TAS2R1: variants seen among roughly 807,000 people sequenced by gnomAD.
TAS2R1 encodes taste 2 receptor member 1.
For synonymous variants in TAS2R1, 141 were observed against 134.2 expected (o/e 1.05, Z -0.35); for missense variants, 370 against 353.4 (o/e 1.05, Z -0.38).
At chr5:9,802,606 A>G in the TAS2R1 span, among the ~76,000 whole-genome samples, 1 of 152,198 alleles carries the variant, frequency 6.6e-6, no homozygotes, top group Non-Finnish European at 1.5e-5. Context: ...AAATCTCTGA[A>G]TTAAAAGAAT....
chr5:9,822,713 C>T, the TAS2R1 span, among the ~76,000 whole-genome samples: 53 of 152,100 alleles, frequency 3.5e-4, 2 homozygotes, highest in South Asian at 0.01. Flanking sequence ...CTTTTCCTTG[C>T]TTTTCACATA....
At chr5:9,723,247 T>G in the TAS2R1 span, among the ~76,000 whole-genome samples, 1 of 152,182 alleles carries the variant, frequency 6.6e-6, no homozygotes, top group South Asian at 2.1e-4. Context: ...GCCTGTTCTC[T>G]GTCAAAATGC....
upstream of TAS2R1, among the ~76,000 whole-genome samples, chr5:9,712,588 G>A (rs1486285997): frequency 6.6e-6 from 1 of 152,154 alleles, no homozygotes; most frequent in Non-Finnish European, 1.5e-5. Flanking sequence ...AGCTTGCCTG[G>A]CCTGCCATGT....
Position 9,650,422 on chromosome 5 carries a change from G to A in TAS2R1, c.-81+8999C>T, listed in dbSNP as rs117067812. Among the ~76,000 whole-genome samples, 963 of 152,038 alleles carry A rather than the reference G, an allele frequency of 6.3e-3. 7 individuals are homozygous for A. Among genetic ancestry groups the A allele is most frequent in the East Asian group, 0.033 (171 of 5,178 alleles). ...CTATACACTCCCGGCTATGTAGGAC[G>A]GACAGACCCATTTCTACAGTGTTAC... is the stretch of plus-strand genomic sequence containing the variant. On this transcript the variant is annotated intron_variant, in intron 2 of 2. Transcript: ENST00000506620.
chr5:9,743,346 TTTA>T, the TAS2R1 span, among the ~76,000 whole-genome samples: 2 of 152,096 alleles, frequency 1.3e-5, no homozygotes, highest in Non-Finnish European at 2.9e-5. Flanking sequence ...TACTTTAACT[TTTA>T]GGGTACATGT....
chr5:9,650,555 G>C (rs1200471758), intron 2 of TAS2R1, among the ~76,000 whole-genome samples: 1 of 152,130 alleles, frequency 6.6e-6, no homozygotes, highest in East Asian at 1.9e-4. Context: ...GGCCAGGGTG[G>C]ACCTGGTGGT....
At chr5:9,751,008 T>A in the TAS2R1 span, among the ~76,000 whole-genome samples, 1 of 151,774 alleles carries the variant, frequency 6.6e-6, no homozygotes. Context: ...TAATACTAGC[T>A]ACTGGCCAGC....
At chr5:9,677,553 G>A (rs1013968220) in intron 1 of TAS2R1, among the ~76,000 whole-genome samples, 1 of 151,848 alleles carries the variant, frequency 6.6e-6, no homozygotes, top group African/African-American at 2.4e-5. Context: ...ACAAACCAAA[G>A]GCAAACAAGC....
chr5:9,807,512 A>G, the TAS2R1 span, among the ~76,000 whole-genome samples: 1 of 152,208 alleles, frequency 6.6e-6, no homozygotes, highest in African/African-American at 2.4e-5. Context: ...AATGCCCATC[A>G]ATCAACTAGT....
At chr5:9,730,718 T>A in the TAS2R1 span, among the ~76,000 whole-genome samples, 9 of 152,008 alleles carry the variant, frequency 5.9e-5, no homozygotes, top group Non-Finnish European at 8.8e-5. Flanking sequence ...TTTGGCTGTG[T>A]CCCCACCCAA....
chr5:9,644,899 A>G (rs1740158344), intron 2 of TAS2R1, among the ~76,000 whole-genome samples: 1 of 152,080 alleles, frequency 6.6e-6, no homozygotes, highest in Non-Finnish European at 1.5e-5. Context: ...TAATCTCTTT[A>G]TGTATGGCTG....
At chr5:9,658,676 C>T (rs1322589041) in intron 2 of TAS2R1, 1 of 152,128 alleles carries the variant, frequency 6.6e-6, no homozygotes, top group Non-Finnish European at 1.5e-5. Context: ...TTAATTTACC[C>T]CAAATGACTT....
chr5:9,739,699 A>G, the TAS2R1 span, among the ~76,000 whole-genome samples: 1 of 152,182 alleles, frequency 6.6e-6, no homozygotes, highest in African/African-American at 2.4e-5. Flanking sequence ...AGGTCATTCA[A>G]CGCTTACGCT....
At chr5:9,660,078 A>G (rs1296068670) in intron 1 of TAS2R1, 5 of 112,144 alleles carry the variant, frequency 4.5e-5, no homozygotes, top group African/African-American at 1.2e-4. Context: ...TTTTTTTTTG[A>G]GACAGCGTCT....
chr5:9,871,825 G>A, the TAS2R1 span, among the ~76,000 whole-genome samples: 1 of 152,104 alleles, frequency 6.6e-6, no homozygotes, highest in Non-Finnish European at 1.5e-5. Context: ...GAAATGCCCT[G>A]TCCAAATCAG....
chr5:9,812,451 T>C, the TAS2R1 span, among the ~76,000 whole-genome samples: 1 of 152,008 alleles, frequency 6.6e-6, no homozygotes, highest in African/African-American at 2.4e-5. Context: ...GATTGGGCTC[T>C]AAGTGTGAAG....
the TAS2R1 span, among the ~76,000 whole-genome samples, chr5:9,821,272 C>A: frequency 6.6e-6 from 1 of 152,260 alleles, no homozygotes; most frequent in South Asian, 2.1e-4. Context: ...CTTTCACTTT[C>A]TAAGTGAGCA....
chr5:9,681,743 T>C (rs796307164), intron 1 of TAS2R1, among the ~76,000 whole-genome samples: 8 of 152,188 alleles, frequency 5.3e-5, no homozygotes, highest in African/African-American at 1.9e-4. Context: ...CAACTAGAGA[T>C]TACAATTTAG....
chr5:9,641,286 C>T (rs1195739314), intron 2 of TAS2R1: 3 of 152,160 alleles, frequency 2.0e-5, no homozygotes, highest in African/African-American at 7.2e-5. Context: ...TTTGTTTTAA[C>T]TAGCTTGGGG....
Sources: allele counts gnomAD v4.1 joint callset (sites outside exome capture counted in the v4.1 genomes callset), GRCh38; gene constraint gnomAD v4.1.1; transcripts MANE v1.5; gene names NCBI Gene and HGNC (gene_info 2026-07-23, HGNC 2026-07-21).